Variants in PKNOX2 observed in about 807,000 individuals in gnomAD.
PKNOX2 encodes PBX/knotted 1 homeobox 2.
In PKNOX2, 14 loss-of-function variants were observed where a neutral mutation model predicts 53.1. The ratio of observed to expected loss-of-function variants is 0.26; its 90% confidence interval spans 0.17 to 0.41. The LOEUF is 0.41. Among genes scored for constraint, PKNOX2 ranks in the 10% least tolerant of loss-of-function variants. PKNOX2 has a pLI of 1.00. For missense variants in PKNOX2, 496 were observed against 602.8 expected, an observed-to-expected ratio of 0.82 and a Z score of 1.85; for synonymous variants, 257 against 242.8, an observed-to-expected ratio of 1.06 and a Z score of -0.54.
At chr11:125,415,656 T>G (rs1306528334) in intron 10 of PKNOX2, among the ~76,000 whole-genome samples, 4 of 152,138 alleles carry the variant, frequency 2.6e-5, no homozygotes, top group Non-Finnish European at 5.9e-5. Context: ...ACTCTGAGAC[T>G]GTAATTCTTG....
At chr11:125,351,533 C>T in intron 4 of PKNOX2, 141 bp downstream of exon 4, 1 of 628,952 alleles carries the variant, frequency 1.6e-6, no homozygotes, top group Admixed American at 2.7e-5. Context: ...GCACTCCGGG[C>T]TCTTTCCCGT....
intron 1 of PKNOX2, among the ~76,000 whole-genome samples, chr11:125,210,797 A>G (rs1939749006): frequency 6.6e-6 from 1 of 152,044 alleles, no homozygotes; most frequent in African/African-American, 2.4e-5. Flanking sequence ...CACTGGGCAG[A>G]GTGTGAATTT....
intron 4 of PKNOX2, among the ~76,000 whole-genome samples, chr11:125,354,655 T>G (rs1439222244): frequency 6.6e-6 from 1 of 152,228 alleles, no homozygotes; most frequent in Non-Finnish European, 1.5e-5. Context: ...ATTAAAAAAT[T>G]CCCAAGCCCC....
intron 10 of PKNOX2, among the ~76,000 whole-genome samples, chr11:125,416,518 A>G (rs1955895571): frequency 6.6e-6 from 1 of 151,874 alleles, no homozygotes; most frequent in South Asian, 2.1e-4. Flanking sequence ...TTGCACTCAT[A>G]TTTCATTGGT....
rs532298241 is a variant in PKNOX2, at chr11:125,299,791, C to G, written c.-129-32028C>G. Among the ~76,000 whole-genome samples, 4 of 152,280 alleles carry G rather than the reference C, an allele frequency of 2.6e-5. No individual in the cohort carries two copies. The East Asian group carries it at 7.7e-4, about 29-fold the overall frequency. Reference sequence around the variant, plus strand: ...TATGGCTGGATCCCCTCGCATCCCCCCACCGGGCTGCTCTGCTTTCCTGAG... The same window carrying G: ...TATGGCTGGATCCCCTCGCATCCCCGCACCGGGCTGCTCTGCTTTCCTGAG... On this transcript the variant is annotated intron_variant, in intron 2 of 12. Coordinates refer to ENST00000298282, the MANE Select transcript of PKNOX2 (RefSeq NM_001382323.2).
At position 125,256,013 on chromosome 11, in the gene PKNOX2, A is replaced by C. The variant is rs145584039; in HGVS notation, c.-130+20898A>C. ...GGAGTAAAAGAAATACAGAAAGACC[A>C]GGACTGTTCCTCTGATGCTCCTCGG... On this transcript the variant is annotated intron_variant, in intron 2 of 12. Coordinates refer to ENST00000298282, the MANE Select transcript of PKNOX2 (RefSeq NM_001382323.2). Among the ~76,000 whole-genome samples, 685 of 152,162 alleles carry C rather than the reference A, an allele frequency of 4.5e-3. 5 individuals are homozygous for C. Among genetic ancestry groups the C allele is most frequent in the African/African-American group, 0.015 (617 of 41,500 alleles).
At chr11:125,243,313 C>G (rs879909283) in intron 2 of PKNOX2, among the ~76,000 whole-genome samples, 23 of 152,190 alleles carry the variant, frequency 1.5e-4, no homozygotes, top group Non-Finnish European at 2.2e-4. Flanking sequence ...CCCAGAGGCC[C>G]TTCCCTCTCC....
chr11:125,398,138 T>C (rs1463084133), intron 7 of PKNOX2, 76 bp downstream of exon 7: 5 of 1,459,704 alleles, frequency 3.4e-6, no homozygotes, highest in Non-Finnish European at 4.6e-6. Flanking sequence ...TGGAGGAAGG[T>C]CCCCTGGTGA....
At chr11:125,209,976 C>T (rs1241554860) in intron 1 of PKNOX2, among the ~76,000 whole-genome samples, 1 of 152,102 alleles carries the variant, frequency 6.6e-6, no homozygotes, top group Non-Finnish European at 1.5e-5. Flanking sequence ...TCAGAGGTGG[C>T]CCAGGATGCA....
chr11:125,259,519 C>A (rs576391588), intron 2 of PKNOX2, among the ~76,000 whole-genome samples: 3 of 152,250 alleles, frequency 2.0e-5, no homozygotes, highest in African/African-American at 4.8e-5. Context: ...TGTACCCTGG[C>A]CCCCCTGCAT....
chr11:125,254,280 A>C (rs368873666), intron 2 of PKNOX2, among the ~76,000 whole-genome samples: 1 of 152,218 alleles, frequency 6.6e-6, no homozygotes, highest in African/African-American at 2.4e-5. Flanking sequence ...CAGATGGTGC[A>C]CTGATGGCCA....
intron 1 of PKNOX2, among the ~76,000 whole-genome samples, chr11:125,219,470 G>C (rs891898247): frequency 6.6e-6 from 1 of 150,780 alleles, no homozygotes; most frequent in African/African-American, 2.4e-5. Flanking sequence ...ACAAAGCTAA[G>C]AGAAAATGAC....
intron 1 of PKNOX2, among the ~76,000 whole-genome samples, chr11:125,176,532 G>T (rs1955716731): frequency 6.6e-6 from 1 of 152,170 alleles, no homozygotes; most frequent in Admixed American, 6.5e-5. Context: ...CTACTGTGGG[G>T]GTCTGGGAGG....
At chr11:125,351,509 A>C in intron 4 of PKNOX2, 117 bp downstream of exon 4, 1 of 675,950 alleles carries the variant, frequency 1.5e-6, no homozygotes, top group Non-Finnish European at 2.6e-6. Context: ...GCCTCCCGCA[A>C]TCACGTCCTG....
chr11:125,241,861 A>G (rs1294297804), intron 2 of PKNOX2, among the ~76,000 whole-genome samples: 2 of 152,182 alleles, frequency 1.3e-5, no homozygotes, highest in South Asian at 2.1e-4. Context: ...TCAAAAAACA[A>G]CAACAAAACA....
At chr11:125,420,192 C>T (rs974283747) in intron 10 of PKNOX2, among the ~76,000 whole-genome samples, 5 of 144,630 alleles carry the variant, frequency 3.5e-5, no homozygotes, top group Admixed American at 7.1e-5. Flanking sequence ...GTTCCCTCCC[C>T]ACCACATTTC....
chr11:125,311,954 G>A (rs923129416), intron 2 of PKNOX2, among the ~76,000 whole-genome samples: 15 of 152,014 alleles, frequency 9.9e-5, no homozygotes, highest in Non-Finnish European at 1.8e-4. Context: ...TACAGTGAGC[G>A]AGATCACACC....
intron 1 of PKNOX2, among the ~76,000 whole-genome samples, chr11:125,201,675 C>T (rs908937179): frequency 7.2e-5 from 11 of 152,142 alleles, no homozygotes; most frequent in African/African-American, 1.9e-4. Context: ...ATTTTTCATC[C>T]GACACCATCA....
intron 2 of PKNOX2, among the ~76,000 whole-genome samples, chr11:125,255,302 C>G (rs1283440156): frequency 6.6e-6 from 1 of 152,168 alleles, no homozygotes; most frequent in Non-Finnish European, 1.5e-5. Context: ...GGAGCATTTC[C>G]GTGATGCCTC....
Sources: allele counts gnomAD v4.1 joint callset (sites outside exome capture counted in the v4.1 genomes callset), GRCh38; gene constraint gnomAD v4.1.1; transcripts MANE v1.5; gene names NCBI Gene and HGNC (gene_info 2026-07-23, HGNC 2026-07-21).